Variants in ZFAND3 observed in about 807,000 individuals in gnomAD.
ZFAND3 encodes AN1-type zinc finger protein 3.
A neutral mutation model predicts 29.6 loss-of-function variants in ZFAND3; 10 were observed. The observed-to-expected ratio is 0.34, with a 90% CI of 0.21 to 0.57. The LOEUF is 0.57. Among genes scored for constraint, ZFAND3 ranks in the 20% least tolerant of loss-of-function variants. The pLI, the probability that ZFAND3 is intolerant of heterozygous loss-of-function variation, is 0.86. For synonymous variants in ZFAND3, 128 were observed against 112.6 expected, an observed-to-expected ratio of 1.14 and a Z score of -0.87; for missense variants, 230 against 304.5, an observed-to-expected ratio of 0.76 and a Z score of 1.82.
intron 1 of ZFAND3, among the ~76,000 whole-genome samples, chr6:37,865,186 T>TA (rs532405267): frequency 1.3e-5 from 2 of 152,068 alleles, no homozygotes; most frequent in Non-Finnish European, 2.9e-5. Flanking sequence ...TCAAAAAAAA[T>TA]AAAAAATAAA....
intron 5 of ZFAND3, among the ~76,000 whole-genome samples, chr6:38,147,008 A>C (rs991862798): frequency 6.6e-6 from 1 of 152,190 alleles, no homozygotes; most frequent in African/African-American, 2.4e-5. Flanking sequence ...TGATCAGGTC[A>C]GGGTTAGGGT....
chr6:38,027,901 G>A (rs1249550700), intron 2 of ZFAND3, among the ~76,000 whole-genome samples: 1 of 152,196 alleles, frequency 6.6e-6, no homozygotes, highest in African/African-American at 2.4e-5. Context: ...CTGCTATGGA[G>A]CCTTTCTTTT....
At position 37,983,956 on chromosome 6, in the gene ZFAND3, A is replaced by G. The variant is rs555890706; in HGVS notation, c.112+53957A>G. ...CACGTGACTTACTTTGGGCAGTGCA[A>G]TGAAAAAAGCTGAAGGATAATTATT... On this transcript the variant is annotated intron_variant, in intron 2 of 5. Transcript: ENST00000287218. Among the ~76,000 whole-genome samples the G allele has an allele frequency of 9.2e-5, 14 of 152,304 alleles. No homozygotes were observed. In the East Asian group the frequency reaches 2.7e-3, roughly 29 times the overall value.
intron 1 of ZFAND3, among the ~76,000 whole-genome samples, chr6:37,827,740 G>A (rs993212688): frequency 2.0e-5 from 3 of 152,190 alleles, no homozygotes; most frequent in Non-Finnish European, 2.9e-5. Context: ...TAACTCGAGG[G>A]ATGATGTACT....
chr6:37,995,314 T>G (rs976883659), intron 2 of ZFAND3, among the ~76,000 whole-genome samples: 39 of 152,206 alleles, frequency 2.6e-4, no homozygotes, highest in African/African-American at 9.2e-4. Flanking sequence ...GCAAGCATTT[T>G]AGAAGAACTT....
intron 3 of ZFAND3, among the ~76,000 whole-genome samples, chr6:38,076,838 A>G (rs1469385918): frequency 6.6e-6 from 1 of 152,184 alleles, no homozygotes; most frequent in Non-Finnish European, 1.5e-5. Context: ...TCCCAGGTTT[A>G]GGGTGAGGTT....
chr6:37,997,796 TC>T (rs1290652496), intron 2 of ZFAND3, among the ~76,000 whole-genome samples: 1 of 152,182 alleles, frequency 6.6e-6, no homozygotes, highest in Admixed American at 6.5e-5. Context: ...AATTCATAGG[TC>T]CGTCAGCTTT....
At chr6:38,140,467 T>C (rs982439911) in intron 5 of ZFAND3, among the ~76,000 whole-genome samples, 8 of 152,022 alleles carry the variant, frequency 5.3e-5, no homozygotes, top group Non-Finnish European at 1.5e-5. Flanking sequence ...TTAGATTTAG[T>C]GATTTTCAGG....
intron 1 of ZFAND3, among the ~76,000 whole-genome samples, chr6:37,877,073 G>T (rs558472486): frequency 6.6e-6 from 1 of 152,236 alleles, no homozygotes; most frequent in Admixed American, 6.5e-5. Flanking sequence ...GGGCTGGAGG[G>T]TTTTGTATAG....
intron 2 of ZFAND3, among the ~76,000 whole-genome samples, chr6:38,012,745 A>G (rs1763181006): frequency 6.6e-6 from 1 of 152,172 alleles, no homozygotes; most frequent in Non-Finnish European, 1.5e-5. Flanking sequence ...ATGGCAGTTA[A>G]AGGCCTTTGA....
At chr6:37,947,145 A>C (rs1205737132) in intron 2 of ZFAND3, among the ~76,000 whole-genome samples, 1 of 152,200 alleles carries the variant, frequency 6.6e-6, no homozygotes, top group Non-Finnish European at 1.5e-5. Flanking sequence ...ACACTTGCCA[A>C]AATCTTTCTT....
At chr6:37,895,630 T>C (rs888790255) in intron 1 of ZFAND3, among the ~76,000 whole-genome samples, 1 of 152,124 alleles carries the variant, frequency 6.6e-6, no homozygotes, top group Non-Finnish European at 1.5e-5. Context: ...TGGATCACTT[T>C]TGATTGAGTT....
chr6:38,055,510 T>C (rs940042479), intron 2 of ZFAND3, among the ~76,000 whole-genome samples: 7 of 152,214 alleles, frequency 4.6e-5, no homozygotes, highest in African/African-American at 1.7e-4. Context: ...CCAGTTTATT[T>C]TGAGGGCTAA....
intron 2 of ZFAND3, among the ~76,000 whole-genome samples, chr6:37,976,952 A>G (rs1581806657): frequency 6.6e-6 from 1 of 152,136 alleles, no homozygotes; most frequent in African/African-American, 2.4e-5. Context: ...GACAATCATG[A>G]TGTTTGTGAA....
chr6:38,004,934 TGAACTA>T (rs776185981), intron 2 of ZFAND3, among the ~76,000 whole-genome samples: 52 of 152,304 alleles, frequency 3.4e-4, no homozygotes, highest in Middle Eastern at 6.8e-3. Flanking sequence ...CCCAAAATGT[TGAACTA>T]GAAAATCACT....
intron 2 of ZFAND3, among the ~76,000 whole-genome samples, chr6:37,933,316 T>G (rs1039759800): frequency 4.6e-5 from 7 of 152,234 alleles, no homozygotes; most frequent in African/African-American, 1.7e-4. Context: ...TAAAATTGAA[T>G]GAAATGGGAA....
intron 1 of ZFAND3, among the ~76,000 whole-genome samples, chr6:37,918,355 G>A (rs1323147750): frequency 2.6e-5 from 4 of 152,124 alleles, no homozygotes; most frequent in Non-Finnish European, 4.4e-5. Flanking sequence ...GATTACAGGC[G>A]TGAGCCACTG....
chr6:38,125,085 T>C (rs1031512293), intron 5 of ZFAND3, among the ~76,000 whole-genome samples: 2 of 152,190 alleles, frequency 1.3e-5, no homozygotes, highest in Non-Finnish European at 2.9e-5. Flanking sequence ...TGGGAGTTAT[T>C]ATATATGTGA....
chr6:37,929,886 C>T, intron 1 of ZFAND3, 73 bp from the exon 2 acceptor site: 2 of 1,418,240 alleles, frequency 1.4e-6, no homozygotes, highest in South Asian at 3.0e-5. Context: ...ACGTTTCTGA[C>T]ATCTTATGTT....
Sources: allele counts gnomAD v4.1 joint callset (sites outside exome capture counted in the v4.1 genomes callset), GRCh38; gene constraint gnomAD v4.1.1; transcripts MANE v1.5; gene names NCBI Gene and HGNC (gene_info 2026-07-23, HGNC 2026-07-21).